The following ADAMTSL1 variants were observed in gnomAD, a reference collection of about 807,000 sequenced individuals.
ADAMTSL1 encodes the protein ADAMTS like 1.
Under a neutral mutation model 201.8 loss-of-function variants are expected in ADAMTSL1, and 126 were observed. The ratio of observed to expected loss-of-function variants is 0.62; its 90% CI spans 0.54 to 0.72. The LOEUF is 0.72. Ranked by LOEUF, ADAMTSL1 falls within the 30% of genes least tolerant of loss-of-function variation. The pLI is 0.00. For missense variants in ADAMTSL1, 2,679 were observed against 2,277.8 expected (o/e 1.18, Z -3.59); for synonymous variants, 1,121 against 903.4 (o/e 1.24, Z -4.32).
At chr9:17,958,029 C>T (rs1335559464) in intron 1 of ADAMTSL1, among the ~76,000 whole-genome samples, 1 of 152,110 alleles carries the variant, frequency 6.6e-6, no homozygotes, top group African/African-American at 2.4e-5. Flanking sequence ...AAAACATCCT[C>T]CTACAAAATA....
intron 23 of ADAMTSL1, among the ~76,000 whole-genome samples, chr9:18,881,852 T>C (rs1307881732): frequency 6.6e-6 from 1 of 152,168 alleles, no homozygotes; most frequent in Non-Finnish European, 1.5e-5. Flanking sequence ...TCCACATCCA[T>C]GGCAGGCCTG....
At chr9:18,505,992 A>G (rs1817621613) in intron 2 of ADAMTSL1, among the ~76,000 whole-genome samples, 1 of 152,238 alleles carries the variant, frequency 6.6e-6, no homozygotes, top group South Asian at 2.1e-4. Flanking sequence ...GAAACATGAA[A>G]GACCATTTTG....
intron 3 of ADAMTSL1, among the ~76,000 whole-genome samples, chr9:18,535,690 G>T (rs1184525637): frequency 6.6e-6 from 1 of 152,158 alleles, no homozygotes; most frequent in Non-Finnish European, 1.5e-5. Context: ...GGTGGGGATT[G>T]TAAGTAGGAA....
At chr9:17,988,924 C>G (rs1169851793) in intron 1 of ADAMTSL1, among the ~76,000 whole-genome samples, 5 of 151,582 alleles carry the variant, frequency 3.3e-5, no homozygotes, top group Non-Finnish European at 5.9e-5. Context: ...ATTTTTTCCC[C>G]CAATTGCTCT....
chr9:18,176,979 A>G (rs939834429), intron 2 of ADAMTSL1, among the ~76,000 whole-genome samples: 1 of 152,244 alleles, frequency 6.6e-6, no homozygotes, highest in Non-Finnish European at 1.5e-5. Context: ...AGAAAATTTC[A>G]GGTAGACATT....
In ADAMTSL1 at chr9:18,294,850, A is replaced by C. The variant is rs1217023955; in HGVS notation, c.207+130869A>C. Among the ~76,000 whole-genome samples the C allele has an allele frequency of 2.0e-5, 3 of 152,236 alleles. No homozygotes were observed. The East Asian group carries it at 5.8e-4, about 29-fold the overall frequency. On this transcript the variant is annotated intron_variant, in intron 2 of 29. Transcript: ENST00000680146. Reference sequence around the variant, plus strand: ...TGTTTTATGGGAATCCCCATAGGTCATAAGAGTCAGAGGAAGGCCTGCCAT... The same window carrying C: ...TGTTTTATGGGAATCCCCATAGGTCCTAAGAGTCAGAGGAAGGCCTGCCAT...
chr9:18,620,361 C>T (rs1410294998), intron 4 of ADAMTSL1, among the ~76,000 whole-genome samples: 1 of 152,038 alleles, frequency 6.6e-6, no homozygotes, highest in African/African-American at 2.4e-5. Context: ...GAGAGTGGAC[C>T]CATAGATGCT....
At position 17,970,344 on chromosome 9, in the gene ADAMTSL1, A is replaced by G. The variant is rs1463181322; in HGVS notation, c.87+63422A>G. On this transcript the variant is annotated intron_variant, in intron 1 of 29. Transcript: ENST00000680146. ...TAGCTCTTACTCAGAACATGGCATT[A>G]TCCTCCTCTTTGCCTTTTTCATGTG... 2.6e-5 allele frequency among the ~76,000 whole-genome samples: 4 copies of G among 152,010 alleles called. No individual in the cohort carries two copies. In the South Asian group the frequency reaches 6.2e-4, roughly 24 times the overall value.
intron 5 of ADAMTSL1, among the ~76,000 whole-genome samples, chr9:18,625,027 C>G (rs1826267935): frequency 6.6e-6 from 1 of 152,190 alleles, no homozygotes; most frequent in Non-Finnish European, 1.5e-5. Flanking sequence ...TTTCTCTACT[C>G]TGGAAGAATC....
intron 4 of ADAMTSL1, among the ~76,000 whole-genome samples, chr9:18,591,587 C>T (rs1823918724): frequency 6.6e-6 from 1 of 152,122 alleles, no homozygotes; most frequent in South Asian, 2.1e-4. Flanking sequence ...TTTGTAACCT[C>T]TCTCTTCCTT....
At chr9:18,614,592 T>C (rs141607060) in intron 4 of ADAMTSL1, among the ~76,000 whole-genome samples, 49 of 152,280 alleles carry the variant, frequency 3.2e-4, no homozygotes, top group African/African-American at 1.1e-3. Context: ...CCTGTCTTTC[T>C]CCTCCTCCGT....
At chr9:18,184,901 G>T (rs1053738341) in intron 2 of ADAMTSL1, among the ~76,000 whole-genome samples, 1 of 152,162 alleles carries the variant, frequency 6.6e-6, no homozygotes, top group African/African-American at 2.4e-5. Flanking sequence ...ACTCACGAAA[G>T]GCCCTTTGGT....
At chr9:18,555,893 G>C (rs185931070) in intron 3 of ADAMTSL1, among the ~76,000 whole-genome samples, 325 of 152,108 alleles carry the variant, frequency 2.1e-3, no homozygotes, top group Non-Finnish European at 3.8e-3. Flanking sequence ...CAGAAACTTT[G>C]TGAGGTATTT....
intron 1 of ADAMTSL1, among the ~76,000 whole-genome samples, chr9:17,924,462 G>A (rs541239467): frequency 2.4e-4 from 36 of 152,144 alleles, no homozygotes; most frequent in South Asian, 4.2e-4. Context: ...CTGTGGGATC[G>A]GTGGTGATAT....
At chr9:18,822,563 G>A (rs1208698425) in intron 21 of ADAMTSL1, among the ~76,000 whole-genome samples, 1 of 152,186 alleles carries the variant, frequency 6.6e-6, no homozygotes, top group African/African-American at 2.4e-5. Flanking sequence ...GTGGGTTACT[G>A]ATTGGCTGTA....
chr9:18,019,435 C>T (rs372351282), intron 1 of ADAMTSL1, among the ~76,000 whole-genome samples: 8 of 151,904 alleles, frequency 5.3e-5, no homozygotes, highest in South Asian at 2.1e-4. Flanking sequence ...AGAGTGTGAC[C>T]GGACCTTTGT....
At chr9:18,166,818 T>A (rs926508905) in intron 2 of ADAMTSL1, among the ~76,000 whole-genome samples, 9 of 152,172 alleles carry the variant, frequency 5.9e-5, no homozygotes, top group Middle Eastern at 6.8e-3. Context: ...GCCTTATTTG[T>A]GGCACGCTTT....
chr9:18,737,045 G>A (rs141021241), intron 15 of ADAMTSL1, among the ~76,000 whole-genome samples: 3 of 152,260 alleles, frequency 2.0e-5, no homozygotes, highest in East Asian at 1.9e-4. Context: ...CAGGCCAGGC[G>A]TGGTGGCTCA....
At chr9:18,698,346 T>G (rs1831692642) in intron 13 of ADAMTSL1, among the ~76,000 whole-genome samples, 1 of 152,130 alleles carries the variant, frequency 6.6e-6, no homozygotes, top group African/African-American at 2.4e-5. Flanking sequence ...AGTGGCATGA[T>G]GATCTCGGCT....
Sources: gnomAD v4.1 joint callset for allele counts (sites outside exome capture counted in the v4.1 genomes callset) on GRCh38, gnomAD v4.1.1 for gene constraint, MANE v1.5 for transcripts, NCBI Gene and HGNC (gene_info 2026-07-23, HGNC 2026-07-21) for gene names.